Variants in GPC6 observed in about 807,000 individuals in gnomAD.
The protein encoded by GPC6 is glypican 6, also known as glypican-6.
Under a neutral mutation model 55.2 loss-of-function variants are expected in GPC6, and 14 were observed. The ratio of observed to expected loss-of-function variants is 0.25; its 90% confidence interval spans 0.17 to 0.40. The LOEUF (loss-of-function observed/expected upper bound fraction) is 0.40. Ranked by LOEUF, GPC6 falls within the 10% of genes least tolerant of loss-of-function variation. GPC6 has a pLI of 1.00. For missense variants in GPC6, 641 were observed against 708.5 expected (o/e 0.90, Z 1.08); for synonymous variants, 278 against 259.6 (o/e 1.07, Z -0.68).
At chr13:93,339,631 T>C (rs557372115) in intron 1 of GPC6, among the ~76,000 whole-genome samples, 1 of 152,340 alleles carries the variant, frequency 6.6e-6, no homozygotes, top group African/African-American at 2.4e-5. Flanking sequence ...TTTTAGTGCA[T>C]GTAAGATTGG....
At chr13:93,502,595 G>T (rs1210595792) in intron 1 of GPC6, among the ~76,000 whole-genome samples, 1 of 152,104 alleles carries the variant, frequency 6.6e-6, no homozygotes, top group Non-Finnish European at 1.5e-5. Flanking sequence ...TGCTGAATTG[G>T]ATAATAGTTT....
At chr13:94,006,104 A>G (rs1468879824) in intron 3 of GPC6, among the ~76,000 whole-genome samples, 2 of 152,224 alleles carry the variant, frequency 1.3e-5, no homozygotes, top group African/African-American at 2.4e-5. Flanking sequence ...TAACATTTTT[A>G]TATAGGCAAA....
At chr13:94,159,876 C>T (rs1888094104) in intron 4 of GPC6, among the ~76,000 whole-genome samples, 1 of 152,184 alleles carries the variant, frequency 6.6e-6, no homozygotes, top group Non-Finnish European at 1.5e-5. Flanking sequence ...CTAAGACTTG[C>T]TATGCTTGTT....
At chr13:94,368,260 G>A (rs539759760) in intron 6 of GPC6, among the ~76,000 whole-genome samples, 1 of 152,026 alleles carries the variant, frequency 6.6e-6, no homozygotes, top group East Asian at 1.9e-4. Context: ...CCAAAATGTT[G>A]GAGTGGTTTT....
At chr13:94,173,178 T>G (rs1888631145) in intron 4 of GPC6, among the ~76,000 whole-genome samples, 1 of 152,144 alleles carries the variant, frequency 6.6e-6, no homozygotes. Context: ...CTGTTGAAGC[T>G]CATGGAAACT....
At chr13:93,370,013 A>G (rs973172293) in intron 1 of GPC6, among the ~76,000 whole-genome samples, 1 of 152,078 alleles carries the variant, frequency 6.6e-6, no homozygotes, top group South Asian at 2.1e-4. Context: ...TTTCAAATTC[A>G]CTTAAATGAC....
chr13:93,555,903 G>C (rs532363001), intron 2 of GPC6, among the ~76,000 whole-genome samples: 2 of 152,140 alleles, frequency 1.3e-5, no homozygotes, highest in Non-Finnish European at 2.9e-5. Context: ...ACTGGCTTAC[G>C]TGGAATTGAG....
chr13:94,002,062 A>T (rs1396871732), intron 3 of GPC6, among the ~76,000 whole-genome samples: 2 of 152,036 alleles, frequency 1.3e-5, no homozygotes, highest in Non-Finnish European at 2.9e-5. Context: ...TATCTTATTG[A>T]TTATTTTTCA....
chr13:93,669,759 A>T (rs7318470), intron 2 of GPC6, among the ~76,000 whole-genome samples: 1 of 151,864 alleles, frequency 6.6e-6, no homozygotes, highest in Non-Finnish European at 1.5e-5. Flanking sequence ...TCAGGCTAAC[A>T]TTTTTGCAGG....
chr13:93,757,654 T>G (rs1002092178), intron 2 of GPC6, among the ~76,000 whole-genome samples: 19 of 152,164 alleles, frequency 1.2e-4, no homozygotes, highest in Admixed American at 6.6e-5. Flanking sequence ...GGATAATAAT[T>G]CCATGTCAAA....
chr13:93,855,960 A>C (rs1302141139), intron 3 of GPC6, among the ~76,000 whole-genome samples: 1 of 151,626 alleles, frequency 6.6e-6, no homozygotes, highest in Admixed American at 6.6e-5. Flanking sequence ...CCTACTGCAA[A>C]TATTTTCTCC....
At chr13:94,155,981 A>T (rs888955931) in intron 4 of GPC6, among the ~76,000 whole-genome samples, 5 of 152,144 alleles carry the variant, frequency 3.3e-5, no homozygotes, top group African/African-American at 1.2e-4. Context: ...CTCCATTCGA[A>T]GGATGAGGAA....
chr13:93,429,996 C>T (rs1877297135), intron 1 of GPC6, among the ~76,000 whole-genome samples: 1 of 152,110 alleles, frequency 6.6e-6, no homozygotes, highest in Non-Finnish European at 1.5e-5. Context: ...TACTGGATTA[C>T]TGGCTTGCCA....
intron 4 of GPC6, among the ~76,000 whole-genome samples, chr13:94,201,276 A>G (rs1343327802): frequency 6.6e-6 from 1 of 152,166 alleles, no homozygotes; most frequent in East Asian, 1.9e-4. Flanking sequence ...TGCAGGTGAC[A>G]GAAATGAATC....
intron 6 of GPC6, among the ~76,000 whole-genome samples, chr13:94,337,740 A>ATACT (rs1444538257): frequency 1.3e-5 from 2 of 152,190 alleles, no homozygotes; most frequent in East Asian, 1.9e-4. Flanking sequence ...AATTCATGAT[A>ATACT]TACTTAAAAA....
At chr13:94,213,820 T>G (rs1225501417) in intron 4 of GPC6, among the ~76,000 whole-genome samples, 2 of 152,144 alleles carry the variant, frequency 1.3e-5, no homozygotes, top group African/African-American at 4.8e-5. Context: ...AGAAATAGAC[T>G]TTACTTCTTG....
intron 4 of GPC6, among the ~76,000 whole-genome samples, chr13:94,160,117 G>A (rs1420197422): frequency 6.6e-6 from 1 of 152,156 alleles, no homozygotes; most frequent in Non-Finnish European, 1.5e-5. Context: ...TATTTTGAGA[G>A]AGCAAGACAG....
At chr13:93,396,423 C>T (rs1392106218) in intron 1 of GPC6, among the ~76,000 whole-genome samples, 2 of 151,920 alleles carry the variant, frequency 1.3e-5, no homozygotes, top group Non-Finnish European at 2.9e-5. Flanking sequence ...ATTAACCAGG[C>T]GTGGTGGCGG....
intron 5 of GPC6, among the ~76,000 whole-genome samples, chr13:94,295,362 G>A (rs188994442): frequency 3.4e-4 from 51 of 152,182 alleles, no homozygotes; most frequent in African/African-American, 1.2e-3. Flanking sequence ...AATATCTATG[G>A]TACCTAAATT....
Sources: gnomAD v4.1 joint callset for allele counts (sites outside exome capture counted in the v4.1 genomes callset) on GRCh38, gnomAD v4.1.1 for gene constraint, MANE v1.5 for transcripts, NCBI Gene and HGNC (gene_info 2026-07-23, HGNC 2026-07-21) for gene names.